TCF4: variants seen among roughly 807,000 people sequenced by gnomAD.
TCF4 encodes transcription factor 4.
In TCF4, 3 loss-of-function variants were observed where a neutral mutation model predicts 82.1. The observed-to-expected ratio is 0.04, with a 90% CI of 0.02 to 0.09. TCF4 has a LOEUF of 0.09. TCF4 is among the 10% of genes least tolerant of loss of function. TCF4 has a pLI of 1.00. For synonymous variants in TCF4, 276 were observed against 309.6 expected (o/e 0.89, Z 1.14); for missense variants, 518 against 852.7 (o/e 0.61, Z 4.89).
At chr18:55,366,898 C>T (rs562929827) in intron 6 of TCF4, among the ~76,000 whole-genome samples, 2 of 152,144 alleles carry the variant, frequency 1.3e-5, no homozygotes, top group Non-Finnish European at 2.9e-5. Flanking sequence ...TATACATATA[C>T]ATTTCCATAC....
At chr18:55,385,142 G>A (rs2092472827) in intron 6 of TCF4, among the ~76,000 whole-genome samples, 1 of 152,116 alleles carries the variant, frequency 6.6e-6, no homozygotes, top group Non-Finnish European at 1.5e-5. Context: ...ACAAGGGGTG[G>A]CAGGGGGATA....
chr18:55,620,800 CT>C (rs35186442), intron 2 of TCF4, among the ~76,000 whole-genome samples: 2,759 of 143,652 alleles, frequency 0.019, 41 homozygotes, highest in Non-Finnish European at 0.026. Context: ...TTGTCCAGTT[CT>C]TTTTTTTTTT....
chr18:55,527,687 C>T (rs2097003123), intron 3 of TCF4, among the ~76,000 whole-genome samples: 1 of 152,086 alleles, frequency 6.6e-6, no homozygotes. Context: ...AATGAGATAT[C>T]AAAGTTATTG....
At chr18:55,455,179 CAA>C (rs35889370) in intron 5 of TCF4, among the ~76,000 whole-genome samples, 1,811 of 67,390 alleles carry the variant, frequency 0.027, 16 homozygotes, top group Non-Finnish European at 0.032. Context: ...GACTCTGTCT[CAA>C]AAAAAAAAAA....
intron 3 of TCF4, among the ~76,000 whole-genome samples, chr18:55,535,370 T>C: frequency 6.6e-6 from 1 of 152,028 alleles, no homozygotes; most frequent in South Asian, 2.1e-4. Context: ...TGCACTAAAA[T>C]GAGAAAAAAA....
At chr18:55,494,430 T>C (rs1399151863) in intron 3 of TCF4, among the ~76,000 whole-genome samples, 1 of 152,098 alleles carries the variant, frequency 6.6e-6, no homozygotes, top group Non-Finnish European at 1.5e-5. Context: ...GTATTATGAT[T>C]TAAGTCTACT....
chr18:55,540,731 A>C (rs1448770081), intron 3 of TCF4, among the ~76,000 whole-genome samples: 1 of 152,076 alleles, frequency 6.6e-6, no homozygotes, highest in East Asian at 1.9e-4. Context: ...CAATTGAGAA[A>C]GCAAAGGGCA....
At chr18:55,523,131 C>T (rs1479543239) in intron 3 of TCF4, among the ~76,000 whole-genome samples, 1 of 151,914 alleles carries the variant, frequency 6.6e-6, no homozygotes, top group Non-Finnish European at 1.5e-5. Context: ...AAGGAAAAAA[C>T]TGCCAAAATA....
intron 2 of TCF4, among the ~76,000 whole-genome samples, chr18:55,618,867 G>T (rs2097714856): frequency 6.6e-6 from 1 of 151,914 alleles, no homozygotes; most frequent in East Asian, 1.9e-4. Context: ...GTTTACAGGT[G>T]TGAGTTGCCT....
chr18:55,447,238 T>C (rs1044935582), intron 5 of TCF4, among the ~76,000 whole-genome samples: 3 of 151,112 alleles, frequency 2.0e-5, no homozygotes, highest in Non-Finnish European at 4.4e-5. Context: ...AGCCCAGAAG[T>C]TTGAAGCTGC....
chr18:55,268,749 C>T (rs1219089511), intron 11 of TCF4: 1 of 152,166 alleles, frequency 6.6e-6, no homozygotes, highest in Admixed American at 6.6e-5. Flanking sequence ...TACACACTCT[C>T]TAAAGAAAAC....
chr18:55,328,444 T>C (rs987296349), intron 8 of TCF4, among the ~76,000 whole-genome samples: 22 of 151,854 alleles, frequency 1.4e-4, no homozygotes, highest in African/African-American at 5.3e-4. Context: ...GTCTCCAAGT[T>C]TGATACAAAA....
chr18:55,605,789 T>C (rs921020195), intron 2 of TCF4, among the ~76,000 whole-genome samples: 6 of 152,110 alleles, frequency 3.9e-5, no homozygotes, highest in Admixed American at 1.3e-4. Flanking sequence ...CATGAGCAAA[T>C]AGGGGCAACA....
intron 2 of TCF4, among the ~76,000 whole-genome samples, chr18:55,627,241 T>C (rs1411684350): frequency 6.6e-6 from 1 of 152,168 alleles, no homozygotes; most frequent in Admixed American, 6.5e-5. Flanking sequence ...CAGAAGAATG[T>C]TTTTGTCAAC....
At chr18:55,276,621 C>G (rs909894921) in intron 9 of TCF4, among the ~76,000 whole-genome samples, 3 of 152,102 alleles carry the variant, frequency 2.0e-5, no homozygotes, top group African/African-American at 7.2e-5. Context: ...TTTCCCAAGC[C>G]TAAGGGAAAA....
At chr18:55,331,929 T>C (rs1480021597) in intron 8 of TCF4, 7 of 152,174 alleles carry the variant, frequency 4.6e-5, no homozygotes, top group Admixed American at 3.3e-4. Context: ...TCCTTTCTCT[T>C]GTATAGCGTG....
intron 3 of TCF4, among the ~76,000 whole-genome samples, chr18:55,534,973 A>G (rs1029035076): frequency 3.3e-5 from 5 of 152,234 alleles, no homozygotes; most frequent in East Asian, 1.9e-4. Flanking sequence ...TCTCACAACA[A>G]CAAATGTGCA....
At chr18:55,275,249 CAGTA>C (rs2061234480) in intron 10 of TCF4, among the ~76,000 whole-genome samples, 1 of 127,400 alleles carries the variant, frequency 7.8e-6, no homozygotes, top group Admixed American at 9.1e-5. Context: ...CTGCCCTCTG[CAGTA>C]CATCTTTTGA....
At chr18:55,494,274 C>T (rs1258405930) in intron 3 of TCF4, among the ~76,000 whole-genome samples, 1 of 148,128 alleles carries the variant, frequency 6.8e-6, no homozygotes, top group African/African-American at 2.5e-5. Flanking sequence ...TAACCACAAA[C>T]TGTACATATA....
Sources: allele counts gnomAD v4.1 joint callset (sites outside exome capture counted in the v4.1 genomes callset), GRCh38; gene constraint gnomAD v4.1.1; transcripts MANE v1.5; gene names NCBI Gene and HGNC (gene_info 2026-07-23, HGNC 2026-07-21).